The following LARP4B variants were observed in gnomAD, a reference collection of about 807,000 sequenced individuals.
LARP4B encodes La ribonucleoprotein 4B.
LARP4B carries 12 observed loss-of-function variants against 89.8 expected under a neutral mutation model. That is an observed-to-expected ratio of 0.13 (90% confidence interval 0.09 to 0.22). The LOEUF is 0.22. Among genes scored for constraint, LARP4B ranks in the 10% least tolerant of loss-of-function variants. The pLI is 1.00. For missense variants in LARP4B, 757 were observed against 947.7 expected, an observed-to-expected ratio of 0.80 and a Z score of 2.64; for synonymous variants, 367 against 363.3, an observed-to-expected ratio of 1.01 and a Z score of -0.12.
intron 7 of LARP4B, among the ~76,000 whole-genome samples, chr10:842,654 C>T (rs1382493787): frequency 2.6e-5 from 4 of 152,084 alleles, no homozygotes; most frequent in Non-Finnish European, 5.9e-5. Context: ...ATGAATGAAA[C>T]AGCTATCTTT....
Position 809,696 on chromosome 10 carries a change from C to A in LARP4B, c.*3230G>T, listed in dbSNP as rs775023346. The A allele has an allele frequency of 6.6e-6, 1 of 152,662 alleles. No homozygotes were observed. Among genetic ancestry groups the A allele is most frequent in the African/African-American group, 2.4e-5 (1 of 41,452 alleles). The allele number at this position is 152,662 out of a possible 1,614,324, so 9.5% of individuals were successfully genotyped here. A position where few individuals can be genotyped will look rare whatever the true frequency, so the allele number is the denominator to read the frequency against. On this transcript the variant is annotated 3_prime_UTR_variant, in exon 18 of 18. Transcript: ENST00000316157. ...TGAAGCAGAACAAAAACGAAACCCT[C>A]GAGGAGCGACCACATGACCCCCGCG...
At chr10:870,872 T>G (rs1178582985) in intron 3 of LARP4B, among the ~76,000 whole-genome samples, 2 of 152,248 alleles carry the variant, frequency 1.3e-5, no homozygotes, top group African/African-American at 2.4e-5. Flanking sequence ...TATAACTGGA[T>G]TAACACTTGG....
In LARP4B at chr10:845,064, A is replaced by ATAT. The variant is rs1206578979; in HGVS notation, c.431-10_431-9insATA. ...TTGAGACTCATTTCCTCCTACATAA[A>ATAT]AGTAATAATCAACTTAGGAAAACCG... On this transcript the variant is annotated splice_polypyrimidine_tract_variant and intron_variant, in intron 5 of 17. Transcript: ENST00000316157. 6.3e-7 allele frequency: 1 copy of ATAT among 1,599,526 alleles called. No homozygotes were observed. Among genetic ancestry groups the ATAT allele is most frequent in the African/African-American group, 1.3e-5 (1 of 74,114 alleles).
the LARP4B span, among the ~76,000 whole-genome samples, chr10:938,471 G>GAT: frequency 2.0e-5 from 3 of 151,152 alleles, no homozygotes; most frequent in Non-Finnish European, 2.9e-5. Flanking sequence ...GCCAGGATAG[G>GAT]CTTGATCTCC....
At chr10:876,887 GC>G (rs1257658208) in intron 3 of LARP4B, among the ~76,000 whole-genome samples, 1 of 152,094 alleles carries the variant, frequency 6.6e-6, no homozygotes, top group Admixed American at 6.6e-5. Context: ...GGTGGAGGCT[GC>G]CCCACAGCTC....
the LARP4B span, among the ~76,000 whole-genome samples, chr10:984,275 T>C: frequency 6.6e-6 from 1 of 152,132 alleles, no homozygotes; most frequent in African/African-American, 2.4e-5. Flanking sequence ...AATGCTAATC[T>C]TAAGAAATTC....
At chr10:981,474 T>A in the LARP4B span, among the ~76,000 whole-genome samples, 1 of 152,182 alleles carries the variant, frequency 6.6e-6, no homozygotes, top group African/African-American at 2.4e-5. Context: ...AATATGAGAT[T>A]TGGGTGGGAA....
chr10:933,026 G>A (rs1374885559), upstream of LARP4B: 1 of 152,190 alleles, frequency 6.6e-6, no homozygotes, highest in Non-Finnish European at 1.5e-5. Flanking sequence ...CACTCCTGCC[G>A]TTTCCGTGAG....
intron 1 of LARP4B, among the ~76,000 whole-genome samples, chr10:919,122 G>A: frequency 6.6e-6 from 1 of 152,178 alleles, no homozygotes; most frequent in South Asian, 2.1e-4. Context: ...TTAATACTTT[G>A]TTTAACAGTA....
At chr10:887,708 C>CA (rs1835901108) in intron 1 of LARP4B, among the ~76,000 whole-genome samples, 1 of 151,604 alleles carries the variant, frequency 6.6e-6, no homozygotes, top group Non-Finnish European at 1.5e-5. Context: ...GAGACTCCAT[C>CA]AAAACAATAA....
chr10:910,054 G>T (rs186340175), intron 1 of LARP4B, among the ~76,000 whole-genome samples: 81 of 152,292 alleles, frequency 5.3e-4, no homozygotes, highest in Admixed American at 3.5e-3. Context: ...TCCCGCCCCA[G>T]ATCCATGCTG....
chr10:970,781 T>C, the LARP4B span, among the ~76,000 whole-genome samples: 9 of 152,076 alleles, frequency 5.9e-5, no homozygotes, highest in South Asian at 2.1e-4. Context: ...AGAGAAGACA[T>C]TTGAAGTACA....
chr10:897,987 C>CAAA lies in LARP4B; in HGVS notation c.-39-12230_-39-12228dup, dbSNP rs58452748. 1.4e-3 allele frequency among the ~76,000 whole-genome samples: 35 copies of CAAA among 25,624 alleles called. 2 individuals carry two copies. The highest frequency in any genetic ancestry group is 3.0e-3 in the African/African-American group (17 of 5,612). The allele number at this position is 25,624 out of a possible 152,430, so 16.8% of individuals were successfully genotyped here. A position where few individuals can be genotyped will look rare whatever the true frequency, so the allele number is the denominator to read the frequency against. On this transcript the variant is annotated intron_variant, in intron 1 of 17. Coordinates refer to ENST00000316157, the MANE Select transcript of LARP4B (RefSeq NM_015155.3). ...TGGGCGACAAAGCGAGGCTCCATCTCAAAAAAAAAAAAAAAAAAAAAAAAA... is the reference window on the plus strand; with the variant it reads ...TGGGCGACAAAGCGAGGCTCCATCTCAAAAAAAAAAAAAAAAAAAAAAAAAAAA...
intron 1 of LARP4B, among the ~76,000 whole-genome samples, chr10:890,639 C>CT (rs1373348407): frequency 5.2e-4 from 79 of 152,150 alleles, no homozygotes; most frequent in African/African-American, 1.9e-3. Flanking sequence ...GTCCTTGGTT[C>CT]TCAGGCCTCG....
chr10:906,111 ATAT>A (rs1419686130), intron 1 of LARP4B, among the ~76,000 whole-genome samples: 4 of 152,212 alleles, frequency 2.6e-5, no homozygotes, highest in Non-Finnish European at 4.4e-5. Flanking sequence ...GGTCAATTAG[ATAT>A]TATTTCTTTC....
At chr10:855,237 T>G (rs533847237) in intron 5 of LARP4B, among the ~76,000 whole-genome samples, 11 of 152,310 alleles carry the variant, frequency 7.2e-5, no homozygotes, top group Non-Finnish European at 1.6e-4. Context: ...GCACTTAATT[T>G]CCTTCAATAA....
At chr10:956,439 G>A in the LARP4B span, among the ~76,000 whole-genome samples, 560 of 151,818 alleles carry the variant, frequency 3.7e-3, 4 homozygotes, top group African/African-American at 0.012. This position sits in a 1 kb window ranked among gnomAD's most constrained non-coding sequence, Gnocchi z 4.3. Flanking sequence ...TCTGCCTCCC[G>A]GGTTCACGCC....
rs1366206238 is a variant in LARP4B at position 810,777 on chromosome 10, A to G, written c.*2149T>C. ...AGAGTTTGGGTTTCACAGATCAATT[A>G]TTTCTGATTTTTTTTTTTTTTTTGG... On this transcript the variant is annotated 3_prime_UTR_variant, in exon 18 of 18. Coordinates refer to ENST00000316157, the MANE Select transcript of LARP4B (RefSeq NM_015155.3). The G allele has an allele frequency of 2.8e-5, 4 of 141,478 alleles. No homozygotes were observed. Among genetic ancestry groups the G allele is most frequent in the South Asian group, 4.6e-4 (2 of 4,322 alleles). The allele number at this position is 141,478 out of a possible 1,614,324, so 8.8% of individuals were successfully genotyped here.
At chr10:892,337 C>T (rs1216117754) in intron 1 of LARP4B, among the ~76,000 whole-genome samples, 1 of 152,186 alleles carries the variant, frequency 6.6e-6, no homozygotes, top group Non-Finnish European at 1.5e-5. Context: ...TTTTATCAAC[C>T]TTGTTCAACA....
Sources: gnomAD v4.1 joint callset for allele counts (sites outside exome capture counted in the v4.1 genomes callset) on GRCh38, gnomAD v4.1.1 for gene constraint, Gnocchi (gnomAD v3.1) non-coding constraint, MANE v1.5 for transcripts, NCBI Gene and HGNC (gene_info 2026-07-23, HGNC 2026-07-21) for gene names.